Variants in STIM1 observed in about 807,000 individuals in gnomAD.
STIM1 encodes the protein stromal interaction molecule 1.
A neutral mutation model predicts 74.7 loss-of-function variants in STIM1; 25 were observed. The ratio of observed to expected loss-of-function variants is 0.33; its 90% CI spans 0.24 to 0.47. STIM1 has a LOEUF of 0.47. Among genes scored for constraint, STIM1 ranks in the 20% least tolerant of loss-of-function variants. STIM1 has a pLI of 1.00. For missense variants in STIM1, 728 were observed against 920.8 expected (o/e 0.79, Z 2.71); for synonymous variants, 328 against 348.8 (o/e 0.94, Z 0.66).
intron 3 of STIM1, among the ~76,000 whole-genome samples, chr11:4,042,299 A>T (rs1171017607): frequency 1.3e-5 from 2 of 152,078 alleles, no homozygotes; most frequent in African/African-American, 4.8e-5. Context: ...CTCAAATATC[A>T]CTTCATCAGA....
chr11:4,031,521 T>G (rs962572179), intron 3 of STIM1, among the ~76,000 whole-genome samples: 2 of 152,246 alleles, frequency 1.3e-5, no homozygotes, highest in African/African-American at 4.8e-5. Flanking sequence ...TATGACATTT[T>G]CAGTTCTTCC....
chr11:4,020,378 G>A (rs1297998176), intron 2 of STIM1, among the ~76,000 whole-genome samples: 4 of 152,116 alleles, frequency 2.6e-5, no homozygotes, highest in African/African-American at 9.7e-5. Context: ...CCTCCATACT[G>A]TTTTATATGG....
rs775503036 is a variant in STIM1 at position 4,070,111 on chromosome 11, G to A, written c.699G>A (p.Gln233=). The part of the protein sequence containing the change: ...GVGGCWFAYI[Q]NRYSKEHMKK... ...GCGGCTGCTGGTTTGCCTATATCCA[G>A]AACCGTTACTCCAAGGAGCACATGA... is the stretch of plus-strand genomic sequence containing the variant. The change falls in exon 6 of 13, where the codon CAG becomes CAA. Residue 233 remains glutamine, a synonymous_variant. Transcript: ENST00000526596. 8 of 1,614,062 alleles carry A rather than the reference G, an allele frequency of 5.0e-6. No homozygotes were observed. Among genetic ancestry groups the A allele is most frequent in the Non-Finnish European group, 6.8e-6 (8 of 1,180,034 alleles).
chr11:3,989,287 G>C, intron 2 of STIM1: 1 of 930,232 alleles, frequency 1.1e-6, no homozygotes, highest in Non-Finnish European at 1.8e-6. Context: ...TTTTCCCTTT[G>C]CTCCCCTTTT....
At chr11:3,894,065 C>T (rs768040243) in intron 1 of STIM1, among the ~76,000 whole-genome samples, 1 of 152,008 alleles carries the variant, frequency 6.6e-6, no homozygotes, top group South Asian at 2.1e-4. Flanking sequence ...TGAGCCACCA[C>T]GCCAGGCCAA....
intron 1 of STIM1, among the ~76,000 whole-genome samples, chr11:3,876,406 C>A (rs1428396029): frequency 6.6e-6 from 1 of 152,024 alleles, no homozygotes; most frequent in Non-Finnish European, 1.5e-5. Context: ...GGACTACATT[C>A]ATTTCTTTTG....
chr11:3,959,124 C>T (rs1254481121), intron 1 of STIM1, among the ~76,000 whole-genome samples: 1 of 152,022 alleles, frequency 6.6e-6, no homozygotes, highest in African/African-American at 2.4e-5. Context: ...TCTTTTGATC[C>T]CTTTCCAAGA....
chr11:3,881,650 C>T (rs1045025837), intron 1 of STIM1, among the ~76,000 whole-genome samples: 108 of 151,212 alleles, frequency 7.1e-4, no homozygotes, highest in African/African-American at 2.6e-3. Flanking sequence ...GGATTACAGG[C>T]GTGAGCCACC....
At chr11:3,934,973 G>A (rs764210506) in intron 1 of STIM1, among the ~76,000 whole-genome samples, 6 of 152,234 alleles carry the variant, frequency 3.9e-5, no homozygotes, top group Non-Finnish European at 8.8e-5. Flanking sequence ...GCAGTGCAAG[G>A]TGAGCAAATG....
At chr11:3,966,364 A>G (rs577750327) in intron 1 of STIM1, among the ~76,000 whole-genome samples, 2 of 152,362 alleles carry the variant, frequency 1.3e-5, no homozygotes, top group Admixed American at 6.5e-5. Context: ...AGCAAGAGGT[A>G]GAGAGGTGAC....
intron 2 of STIM1, among the ~76,000 whole-genome samples, chr11:4,014,261 A>G (rs907134350): frequency 3.9e-5 from 6 of 152,038 alleles, no homozygotes; most frequent in South Asian, 2.1e-4. Flanking sequence ...CTTTGTTCTC[A>G]TTGGTTTCAA....
chr11:3,923,334 C>T (rs1027025617), intron 1 of STIM1, among the ~76,000 whole-genome samples: 2 of 151,684 alleles, frequency 1.3e-5, no homozygotes, highest in Admixed American at 6.6e-5. Context: ...CTGGGCCGAG[C>T]GCAGTGGCTC....
chr11:3,994,238 G>A (rs1218688918), intron 2 of STIM1, among the ~76,000 whole-genome samples: 1 of 152,122 alleles, frequency 6.6e-6, no homozygotes, highest in Non-Finnish European at 1.5e-5. Context: ...TAATCTTACT[G>A]GGTTCACATG....
chr11:3,897,888 C>A (rs7936951), intron 1 of STIM1, among the ~76,000 whole-genome samples: 1 of 151,882 alleles, frequency 6.6e-6, no homozygotes, highest in African/African-American at 2.4e-5. Context: ...TGTATATGTG[C>A]CACATTTTCT....
chr11:4,083,582 G>A, intron 10 of STIM1, 84 bp downstream of exon 10: 1 of 1,213,692 alleles, frequency 8.2e-7, no homozygotes, highest in Non-Finnish European at 1.2e-6. Flanking sequence ...TGCTTAAACA[G>A]CAGATGGGGC....
chr11:4,000,453 G>A (rs577761238), intron 2 of STIM1, among the ~76,000 whole-genome samples: 2 of 152,048 alleles, frequency 1.3e-5, no homozygotes, highest in East Asian at 1.9e-4. Context: ...TGCAGACACC[G>A]CTGCTGATAC....
At chr11:3,933,920 C>T (rs1168077050) in intron 1 of STIM1, among the ~76,000 whole-genome samples, 3 of 152,162 alleles carry the variant, frequency 2.0e-5, no homozygotes, top group Admixed American at 6.5e-5. Context: ...TGGAAAGAGC[C>T]TCCCTCAGCC....
chr11:4,060,270 C>T (rs2094321470), intron 5 of STIM1, among the ~76,000 whole-genome samples: 1 of 152,156 alleles, frequency 6.6e-6, no homozygotes, highest in Non-Finnish European at 1.5e-5. Flanking sequence ...TTCAACCAAA[C>T]AGGATCTTAG....
At chr11:4,063,655 C>T (rs554670506) in intron 5 of STIM1, among the ~76,000 whole-genome samples, 6 of 152,208 alleles carry the variant, frequency 3.9e-5, no homozygotes, top group East Asian at 1.9e-4. Flanking sequence ...GCAGTGTATC[C>T]GAGGTATGCC....
Sources: gnomAD v4.1 joint callset for allele counts (sites outside exome capture counted in the v4.1 genomes callset) on GRCh38, gnomAD v4.1.1 for gene constraint, MANE v1.5 for transcripts, NCBI Gene and HGNC (gene_info 2026-07-23, HGNC 2026-07-21) for gene names.